The following PYROXD1 variants were observed in gnomAD, a reference collection of about 807,000 sequenced individuals.
The protein encoded by PYROXD1 is pyridine nucleotide-disulphide oxidoreductase domain 1, also known as tRNA ligase complex-associated NAD(P)H dehydrogenase PYROXD1.
Under a neutral mutation model 62.0 loss-of-function variants are expected in PYROXD1, and 42 were observed. The ratio of observed to expected loss-of-function variants is 0.68; its 90% CI spans 0.53 to 0.88. The LOEUF is 0.88. PYROXD1 is among the 40% of genes least tolerant of loss of function. PYROXD1 has a pLI of 0.00. For missense variants in PYROXD1, 493 were observed against 604.8 expected (o/e 0.82, Z 1.94); for synonymous variants, 170 against 206.4 (o/e 0.82, Z 1.51).
rs1229333510 is a variant in PYROXD1, at chr12:21,471,221, C to A, written c.*2467C>A. 2 of 1,103,614 alleles carry A rather than the reference C, an allele frequency of 1.8e-6. No individual in the cohort carries two copies. The highest frequency in any genetic ancestry group is 1.6e-5 in the African/African-American group (1 of 61,364). The allele number at this position is 1,103,614 out of a possible 1,614,324, so 68.4% of individuals were successfully genotyped here. ...CATTGACTTGAAATAATAAAATTTACAAGAATGCAAATAAAGCCTTTAAAG... is the reference window on the plus strand; with the variant it reads ...CATTGACTTGAAATAATAAAATTTAAAAGAATGCAAATAAAGCCTTTAAAG... On this transcript the variant is annotated 3_prime_UTR_variant, in exon 12 of 12. Transcript: ENST00000240651.
In PYROXD1 at chr12:21,462,866, A is replaced by G; in HGVS notation, c.1116+4A>G. The G allele has an allele frequency of 6.2e-7, 1 of 1,612,392 alleles. No individual in the cohort carries two copies. The highest frequency in any genetic ancestry group is 8.5e-7 in the Non-Finnish European group (1 of 1,179,590). On this transcript the variant is annotated splice_donor_region_variant and intron_variant, in intron 10 of 11. Transcript: ENST00000240651. ...GCTGAGCCCAGTCTGGCAGCAGGTA[A>G]GCTAGCATATATAATTATATGTTTT...
intron 10 of PYROXD1, 65 bp downstream of exon 10, chr12:21,462,927 AC>A: frequency 6.6e-7 from 1 of 1,512,622 alleles, no homozygotes. Flanking sequence ...AGCGGTTGTT[AC>A]CAACAAATCC....
At position 21,469,995 on chromosome 12, in the gene PYROXD1, C is replaced by T. The variant is rs1473667230; in HGVS notation, c.*1241C>T. 1.0e-5 allele frequency: 7 copies of T among 675,254 alleles called. No individual in the cohort carries two copies. The highest frequency in any genetic ancestry group is 1.9e-5 in the African/African-American group (1 of 52,902). 41.8% of individuals were successfully genotyped at this position (675,254 alleles called of 1,614,324 possible). Reference sequence around the variant, plus strand: ...ATAAAAATTTTTCCCTTGTTTTATACTGGAAAATTATATAATTCATGATCT... The same window carrying T: ...ATAAAAATTTTTCCCTTGTTTTATATTGGAAAATTATATAATTCATGATCT... On this transcript the variant is annotated 3_prime_UTR_variant, in exon 12 of 12. Coordinates refer to ENST00000240651, the MANE Select transcript of PYROXD1 (RefSeq NM_024854.5).
chr12:21,437,892 C>A, intron 1 of PYROXD1, 78 bp downstream of exon 1: 3 of 1,273,860 alleles, frequency 2.4e-6, no homozygotes, highest in Non-Finnish European at 3.2e-6. Context: ...CTCCCACCCC[C>A]TCCCTTTTTC....
At chr12:21,458,404 C>T (rs1942637797) in intron 7 of PYROXD1, among the ~76,000 whole-genome samples, 1 of 152,188 alleles carries the variant, frequency 6.6e-6, no homozygotes, top group Non-Finnish European at 1.5e-5. Context: ...TTCTCCATGT[C>T]AGCAAGAAGA....
intron 1 of PYROXD1, among the ~76,000 whole-genome samples, chr12:21,439,786 G>T (rs1942260404): frequency 6.6e-6 from 1 of 152,104 alleles, no homozygotes; most frequent in Non-Finnish European, 1.5e-5. Flanking sequence ...TGTAGCTAAA[G>T]GAAAATAATG....
rs147237307 is a variant in PYROXD1 at position 21,440,296 on chromosome 12, C to G, written c.85-72C>G. The G allele has an allele frequency of 5.4e-4, 438 of 817,924 alleles. 2 individuals carry two copies. In the African/African-American group the frequency reaches 6.7e-3, roughly 13 times the overall value. 50.7% of individuals were successfully genotyped at this position (817,924 alleles called of 1,614,324 possible). On this transcript the variant is annotated intron_variant, in intron 1 of 11. Transcript: ENST00000240651. ...TACATTATTAAAATTGCATTATTCT[C>G]AACCCCAAACCATATATACCAGTAC...
intron 10 of PYROXD1, among the ~76,000 whole-genome samples, chr12:21,464,244 G>A (rs1320289249): frequency 6.6e-6 from 1 of 151,174 alleles, no homozygotes; most frequent in Non-Finnish European, 1.5e-5. Context: ...GCCTTGTTTT[G>A]AGTGCACCTT....
At position 21,440,457 on chromosome 12, in the gene PYROXD1, CT is replaced by C. The variant is rs1461679804; in HGVS notation, c.165+12del. 10 of 1,462,732 alleles carry C rather than the reference CT, an allele frequency of 6.8e-6. No homozygotes were observed. Among genetic ancestry groups the C allele is most frequent in the Middle Eastern group, 1.8e-4 (1 of 5,686 alleles). 90.6% of individuals were successfully genotyped at this position (1,462,732 alleles called of 1,614,324 possible). On this transcript the variant is annotated intron_variant, in intron 2 of 11. Coordinates refer to ENST00000240651, the MANE Select transcript of PYROXD1 (RefSeq NM_024854.5). ...TTACAAATTTCAAGCAGGTAAGAAC[CT>C]TTGTATAACTTGTTAATATTAATTT... is the stretch of plus-strand genomic sequence containing the variant.
chr12:21,462,178 C>A, intron 9 of PYROXD1, 58 bp downstream of exon 9: 1 of 900,598 alleles, frequency 1.1e-6, no homozygotes, highest in Non-Finnish European at 1.8e-6. Context: ...TTGTGAAGAT[C>A]TCTAATTCTC....
At chr12:21,462,265 T>C in intron 9 of PYROXD1, 145 bp downstream of exon 9, 1 of 594,174 alleles carries the variant, frequency 1.7e-6, no homozygotes. Context: ...AACATTGTCT[T>C]GATTTACAGT....
Position 21,461,991 on chromosome 12 carries a change from G to GTTTTTT in PYROXD1, c.881-13_881-8dup. ...TTTACAAATAAAGTCTGTTTTTTTG[G>GTTTTTT]TTTTTTTTTCTTAAAGAGATGTGGC... is the stretch of plus-strand genomic sequence containing the variant. On this transcript the variant is annotated splice_polypyrimidine_tract_variant and intron_variant, in intron 8 of 11. Transcript: ENST00000240651. The GTTTTTT allele has an allele frequency of 7.2e-7, 1 of 1,395,654 alleles. No homozygotes were observed. Among genetic ancestry groups the GTTTTTT allele is most frequent in the Admixed American group, 1.8e-5 (1 of 55,186 alleles). The allele number at this position is 1,395,654 out of a possible 1,614,324, so 86.5% of individuals were successfully genotyped here.
chr12:21,457,043 C>G (rs1942610364), intron 7 of PYROXD1: 4 of 314,524 alleles, frequency 1.3e-5, no homozygotes, highest in Non-Finnish European at 2.5e-5. Context: ...CCATATCTGC[C>G]TTTCTCCATT....
chr12:21,449,462 T>C (rs1366118170), intron 3 of PYROXD1, 101 bp from the exon 4 acceptor site: 17 of 1,119,046 alleles, frequency 1.5e-5, no homozygotes, highest in South Asian at 6.3e-5. Context: ...CTTAATATAT[T>C]ATGTTTTGCT....
chr12:21,448,913 A>G (rs1413798477), intron 3 of PYROXD1, among the ~76,000 whole-genome samples: 1 of 152,164 alleles, frequency 6.6e-6, no homozygotes, highest in African/African-American at 2.4e-5. Flanking sequence ...AAAGATTATC[A>G]TATTTTTTAC....
At chr12:21,453,412 A>T (rs1167934944) in intron 5 of PYROXD1, among the ~76,000 whole-genome samples, 1 of 152,096 alleles carries the variant, frequency 6.6e-6, no homozygotes, top group Non-Finnish European at 1.5e-5. Flanking sequence ...TCTCTCGTGA[A>T]ACTTGGCATA....
At chr12:21,454,496 T>C (rs994304175) in intron 5 of PYROXD1, among the ~76,000 whole-genome samples, 1 of 151,992 alleles carries the variant, frequency 6.6e-6, no homozygotes, top group African/African-American at 2.4e-5. Context: ...CTTCTTAGCA[T>C]CTAAACCTAG....
intron 1 of PYROXD1, chr12:21,438,075 T>C (rs971772439): frequency 7.6e-6 from 4 of 529,798 alleles, no homozygotes; most frequent in African/African-American, 2.0e-5. Context: ...CTCAGATCCT[T>C]GTAATGTCAG....
rs748888838 is a variant in PYROXD1, at chr12:21,462,766, G to C, written c.1020G>C (p.Leu340=). ...TTGATCTAGGAGAAGATGGTGGCCT[G>C]AAAGTGGATGATCATATGCACACAT... ...NSFDLGEDGG[L]KVDDHMHTSL... Residue 340 remains leucine, a synonymous_variant, in exon 10 of 12, where the codon CTG becomes CTC. Transcript: ENST00000240651. 26 of 1,613,890 alleles carry C rather than the reference G, an allele frequency of 1.6e-5. No homozygotes were observed. The South Asian group carries it at 2.9e-4, about 18-fold the overall frequency.
Sources: allele counts gnomAD v4.1 joint callset (sites outside exome capture counted in the v4.1 genomes callset), GRCh38; gene constraint gnomAD v4.1.1; transcripts MANE v1.5; gene names NCBI Gene and HGNC (gene_info 2026-07-23, HGNC 2026-07-21).